SSH2: variants seen among roughly 807,000 people sequenced by gnomAD.
The protein encoded by SSH2 is slingshot protein phosphatase 2.
Under a neutral mutation model 135.2 loss-of-function variants are expected in SSH2, and 37 were observed. That is an observed-to-expected ratio of 0.27 (90% CI 0.21 to 0.36). SSH2 has a LOEUF of 0.36. Among genes scored for constraint, SSH2 ranks in the 10% least tolerant of loss-of-function variants. SSH2 has a pLI of 1.00. For missense variants in SSH2, 1,408 were observed against 1,765.3 expected (o/e 0.80, Z 3.63); for synonymous variants, 628 against 646.2 (o/e 0.97, Z 0.43).
chr17:29,684,048 AT>A (rs1329280101), intron 6 of SSH2, among the ~76,000 whole-genome samples: 1 of 152,228 alleles, frequency 6.6e-6, no homozygotes, highest in Non-Finnish European at 1.5e-5. Context: ...AAGGTATGGA[AT>A]AATGGTAAAT....
At chr17:29,691,680 C>T (rs539627857) in intron 5 of SSH2, among the ~76,000 whole-genome samples, 224 of 151,572 alleles carry the variant, frequency 1.5e-3, no homozygotes, top group African/African-American at 3.2e-3. Context: ...TTAGTAGAGA[C>T]GGGGTTTCGC....
At chr17:29,831,909 G>A (rs1380861028) in intron 2 of SSH2, among the ~76,000 whole-genome samples, 2 of 151,908 alleles carry the variant, frequency 1.3e-5, no homozygotes, top group Non-Finnish European at 2.9e-5. Context: ...CCTCTTGTGT[G>A]TTTTCATTCT....
chr17:29,837,062 GC>G (rs1438093970), intron 2 of SSH2, among the ~76,000 whole-genome samples: 1 of 152,102 alleles, frequency 6.6e-6, no homozygotes, highest in African/African-American at 2.4e-5. Context: ...TTCAAGACCA[GC>G]CTGGCCAACA....
chr17:29,717,768 T>C (rs1018104068), intron 3 of SSH2, among the ~76,000 whole-genome samples: 2 of 152,084 alleles, frequency 1.3e-5, no homozygotes, highest in Non-Finnish European at 2.9e-5. Context: ...GGCATGGTGG[T>C]GTGCACCTGT....
intron 2 of SSH2, among the ~76,000 whole-genome samples, chr17:29,812,984 AAAAC>A (rs2042473073): frequency 6.6e-6 from 1 of 152,232 alleles, no homozygotes; most frequent in Non-Finnish European, 1.5e-5. Flanking sequence ...ATAAAAATAA[AAAAC>A]AAAATTTAAA....
chr17:29,711,250 T>TC (rs1002627481), intron 3 of SSH2, among the ~76,000 whole-genome samples: 3 of 152,224 alleles, frequency 2.0e-5, no homozygotes, highest in Non-Finnish European at 4.4e-5. Context: ...TATCTGTTTT[T>TC]CCCCTTTCCT....
chr17:29,818,114 A>C (rs777582473), intron 2 of SSH2, among the ~76,000 whole-genome samples: 23 of 152,264 alleles, frequency 1.5e-4, no homozygotes, highest in Non-Finnish European at 3.1e-4. Flanking sequence ...AATACATAAA[A>C]CAATGTAAGT....
At chr17:29,834,611 G>A (rs2042913400) in intron 2 of SSH2, among the ~76,000 whole-genome samples, 1 of 151,906 alleles carries the variant, frequency 6.6e-6, no homozygotes, top group Non-Finnish European at 1.5e-5. Context: ...ATTTAGCAAT[G>A]TTTTCTTTTA....
chr17:29,711,878 T>C (rs1305199675), intron 3 of SSH2, among the ~76,000 whole-genome samples: 5 of 152,212 alleles, frequency 3.3e-5, no homozygotes, highest in Non-Finnish European at 1.5e-5. Flanking sequence ...TTTAGCTCTT[T>C]CCTTTGAACC....
chr17:29,868,826 C>T (rs927612709), intron 1 of SSH2, among the ~76,000 whole-genome samples: 30 of 152,118 alleles, frequency 2.0e-4, no homozygotes, highest in East Asian at 7.7e-4. Flanking sequence ...GAATCCTCCC[C>T]GTTCCCTTGG....
chr17:29,925,863 T>C (rs2067054695), intron 1 of SSH2, among the ~76,000 whole-genome samples: 1 of 152,182 alleles, frequency 6.6e-6, no homozygotes, highest in African/African-American at 2.4e-5. Context: ...TGTTGTATAT[T>C]ATAAATGTTT....
intron 1 of SSH2, among the ~76,000 whole-genome samples, chr17:29,877,178 T>C (rs1056381965): frequency 1.3e-5 from 2 of 152,138 alleles, no homozygotes; most frequent in Non-Finnish European, 2.9e-5. Context: ...TGAGATATCA[T>C]CTCATCCCAG....
At chr17:29,673,370 G>C (rs2037572238) in intron 8 of SSH2, among the ~76,000 whole-genome samples, 1 of 151,990 alleles carries the variant, frequency 6.6e-6, no homozygotes, top group African/African-American at 2.4e-5. Context: ...AGGAGATCGA[G>C]ATCAGCCTAA....
At chr17:29,637,332 C>T (rs878947876) in intron 14 of SSH2, among the ~76,000 whole-genome samples, 2 of 152,088 alleles carry the variant, frequency 1.3e-5, no homozygotes, top group Admixed American at 6.6e-5. Flanking sequence ...CTTCTGACCT[C>T]GAGTGATATG....
At chr17:29,727,345 G>T (rs1431291646) in intron 3 of SSH2, among the ~76,000 whole-genome samples, 1 of 152,188 alleles carries the variant, frequency 6.6e-6, no homozygotes, top group Non-Finnish European at 1.5e-5. Context: ...CATTACAATA[G>T]GATGTTAGTG....
chr17:29,883,914 C>A (rs2151435452), intron 1 of SSH2, among the ~76,000 whole-genome samples: 1 of 152,192 alleles, frequency 6.6e-6, no homozygotes, highest in African/African-American at 2.4e-5. Context: ...AGATATAATC[C>A]TTTTTCTCCT....
rs147061646 is a variant in SSH2 at position 29,929,953 on chromosome 17, G to T, written c.48C>A (p.Ser16=). 1.7e-5 allele frequency: 27 copies of T among 1,603,328 alleles called. No individual in the cohort carries two copies. In the African/African-American group the frequency reaches 3.2e-4, roughly 19 times the overall value. ...VQRSPTPSTT[S]SPCASSSHLE... ...AAGGACTCACCGAGGCGCAGGGGCT[G>T]GAGGTGGTGCTGGGGGTAGGTGACC... The change falls in exon 1 of 16, where the codon TCC becomes TCA. Residue 16 remains serine, a synonymous_variant. Transcript: ENST00000540801.
intron 3 of SSH2, among the ~76,000 whole-genome samples, chr17:29,718,149 T>C (rs2039690834): frequency 6.6e-6 from 1 of 152,210 alleles, no homozygotes; most frequent in Non-Finnish European, 1.5e-5. Context: ...TGCCTGACCA[T>C]TTGATATGGT....
At chr17:29,902,401 G>A (rs1435376015) in intron 1 of SSH2, among the ~76,000 whole-genome samples, 1 of 151,964 alleles carries the variant, frequency 6.6e-6, no homozygotes, top group Non-Finnish European at 1.5e-5. Flanking sequence ...CAGTTTGCCC[G>A]TTCTAGTTAA....
Sources: gnomAD v4.1 joint callset for allele counts (sites outside exome capture counted in the v4.1 genomes callset) on GRCh38, gnomAD v4.1.1 for gene constraint, MANE v1.5 for transcripts, NCBI Gene and HGNC (gene_info 2026-07-23, HGNC 2026-07-21) for gene names.